ANK3: variants seen among roughly 807,000 people sequenced by gnomAD.
The protein encoded by ANK3 is ankyrin-3.
Under a neutral mutation model 370.9 loss-of-function variants are expected in ANK3, and 57 were observed. The observed-to-expected ratio is 0.15, with a 90% CI of 0.12 to 0.19. ANK3 has a LOEUF of 0.19. Ranked by LOEUF, ANK3 falls within the 10% of genes least tolerant of loss-of-function variation. The pLI, the probability that ANK3 is intolerant of heterozygous loss-of-function variation, is 1.00. For synonymous variants in ANK3, 1,929 were observed against 1,946.3 expected, an observed-to-expected ratio of 0.99 and a Z score of 0.23; for missense variants, 4,439 against 5,302.1, an observed-to-expected ratio of 0.84 and a Z score of 5.06.
intron 2 of ANK3, among the ~76,000 whole-genome samples, chr10:60,483,839 T>A (rs532781675): frequency 6.6e-6 from 1 of 152,308 alleles, no homozygotes; most frequent in South Asian, 2.1e-4. Flanking sequence ...TCTCTATTTA[T>A]TCTTAGGTCA....
intron 28 of ANK3, among the ~76,000 whole-genome samples, chr10:60,091,918 A>G (rs1157040564): frequency 6.6e-6 from 1 of 152,086 alleles, no homozygotes; most frequent in African/African-American, 2.4e-5. Flanking sequence ...TTTAGTAGAG[A>G]TGGGGTTTCA....
intron 7 of ANK3, among the ~76,000 whole-genome samples, chr10:60,256,885 T>C (rs981926814): frequency 6.6e-6 from 1 of 152,216 alleles, no homozygotes; most frequent in African/African-American, 2.4e-5. Flanking sequence ...GATGGGCACC[T>C]AGGTTGATTC....
intron 1 of ANK3, among the ~76,000 whole-genome samples, chr10:60,669,578 G>A (rs144155380): frequency 1.3e-4 from 20 of 152,190 alleles, no homozygotes; most frequent in Admixed American, 8.5e-4. Context: ...CAGATCTGAT[G>A]GATGCCTTTC....
chr10:60,643,359 T>C (rs555472599), intron 1 of ANK3, among the ~76,000 whole-genome samples: 1 of 152,276 alleles, frequency 6.6e-6, no homozygotes, highest in African/African-American at 2.4e-5. Context: ...ATCTTTCTCC[T>C]GTACTGGATG....
intron 1 of ANK3, among the ~76,000 whole-genome samples, chr10:60,711,126 T>A (rs575230863): frequency 1.8e-4 from 27 of 152,170 alleles, no homozygotes; most frequent in Non-Finnish European, 3.4e-4. Flanking sequence ...TTACATGTTC[T>A]AATGGGAAAA....
intron 2 of ANK3, among the ~76,000 whole-genome samples, chr10:60,534,229 A>G (rs1326053943): frequency 6.6e-6 from 1 of 152,130 alleles, no homozygotes; most frequent in Non-Finnish European, 1.5e-5. Flanking sequence ...GGTGCAAACA[A>G]ATAATATAGG....
chr10:60,037,366 C>T (rs2075241882), intron 43 of ANK3, among the ~76,000 whole-genome samples: 1 of 152,100 alleles, frequency 6.6e-6, no homozygotes, highest in African/African-American at 2.4e-5. Flanking sequence ...TTCAAGGGTA[C>T]ATGTGCAGGT....
chr10:60,138,296 G>T (rs558357235), intron 24 of ANK3, among the ~76,000 whole-genome samples: 2 of 152,270 alleles, frequency 1.3e-5, no homozygotes, highest in South Asian at 4.1e-4. Flanking sequence ...TCTGCACAAG[G>T]TTCTGTTTCT....
chr10:60,105,422 C>A (rs763915688), intron 28 of ANK3, among the ~76,000 whole-genome samples: 1 of 152,072 alleles, frequency 6.6e-6, no homozygotes, highest in East Asian at 1.9e-4. Flanking sequence ...CCAATAATTA[C>A]CCTGAAACAT....
At chr10:60,477,516 T>TACACACACAC (rs761752696) in intron 2 of ANK3, among the ~76,000 whole-genome samples, 81 of 122,686 alleles carry the variant, frequency 6.6e-4, no homozygotes, top group African/African-American at 8.5e-4. Context: ...CAGACAGACA[T>TACACACACAC]ACACACACAC....
intron 1 of ANK3, among the ~76,000 whole-genome samples, chr10:60,362,890 G>T (rs1381170747): frequency 6.6e-6 from 1 of 152,108 alleles, no homozygotes. Flanking sequence ...AGGAATTTGG[G>T]AAAGGCTTTA....
chr10:60,175,003 A>G lies in ANK3; in HGVS notation c.2185-1817T>C, dbSNP rs576690139. Among the ~76,000 whole-genome samples, 4 of 152,280 alleles carry G rather than the reference A, an allele frequency of 2.6e-5. No individual in the cohort carries two copies. In the South Asian group the frequency reaches 8.3e-4, roughly 32 times the overall value. On this transcript the variant is annotated intron_variant, in intron 18 of 43. Coordinates refer to ENST00000280772, the MANE Select transcript of ANK3 (RefSeq NM_020987.5). ...CCAAAGTGCTGGGATTACAAGTGTG[A>G]ACCACCATGCCTGGCCTAAATATGT...
chr10:60,263,711 T>C lies in ANK3; in HGVS notation c.699+124A>G, dbSNP rs540117089. The C allele has an allele frequency of 6.3e-6, 7 of 1,102,716 alleles. No homozygotes were observed. The South Asian group carries it at 9.1e-5, about 14-fold the overall frequency. The allele number at this position is 1,102,716 out of a possible 1,614,324, so 68.3% of individuals were successfully genotyped here. ...CAGTGGCTAGCTCAGACACACATTG[T>C]TCCTCCCTTCAATGAAGTTAAAGGC... On this transcript the variant is annotated intron_variant, in intron 6 of 43. Coordinates refer to ENST00000280772, the MANE Select transcript of ANK3 (RefSeq NM_020987.5).
intron 1 of ANK3, among the ~76,000 whole-genome samples, chr10:60,680,804 C>T (rs1294097473): frequency 6.6e-6 from 1 of 152,134 alleles, no homozygotes; most frequent in East Asian, 1.9e-4. Context: ...TGAATTCTGG[C>T]TCTACCAGTT....
intron 1 of ANK3, among the ~76,000 whole-genome samples, chr10:60,640,541 A>G (rs1385146087): frequency 1.9e-5 from 2 of 105,772 alleles, no homozygotes; most frequent in Non-Finnish European, 4.1e-5. Context: ...CAAAAACCAC[A>G]TGATTATCTC....
chr10:60,511,449 T>C (rs901732229), intron 2 of ANK3, among the ~76,000 whole-genome samples: 5 of 152,168 alleles, frequency 3.3e-5, no homozygotes, highest in African/African-American at 1.2e-4. Flanking sequence ...GGAAGAGCAG[T>C]AGTACAATCT....
chr10:60,407,681 T>C (rs1055289294), intron 2 of ANK3, among the ~76,000 whole-genome samples: 3 of 152,208 alleles, frequency 2.0e-5, no homozygotes, highest in African/African-American at 7.2e-5. Context: ...TCCTGTTTTA[T>C]AAATTGTGTA....
chr10:60,504,755 T>C (rs553593675), intron 2 of ANK3, among the ~76,000 whole-genome samples: 1 of 152,264 alleles, frequency 6.6e-6, no homozygotes, highest in South Asian at 2.1e-4. Context: ...GAACATTCTA[T>C]AGGACCCCTG....
At position 60,694,641 on chromosome 10, in the gene ANK3, A is replaced by G. The variant is rs1196576637; in HGVS notation, c.57+38622T>C. On this transcript the variant is annotated intron_variant, in intron 1 of 43. Coordinates refer to the ANK3 transcript ENST00000373827. ...TTCAACCCAGAATTTCATATCCAGC[A>G]AAACTAAGCTTCATAAGTGAAGGAG... is the stretch of plus-strand genomic sequence containing the variant. Among the ~76,000 whole-genome samples the G allele has an allele frequency of 3.9e-5, 6 of 152,082 alleles. No homozygotes were observed. The East Asian group carries it at 1.2e-3, about 29-fold the overall frequency.
Sources: gnomAD v4.1 joint callset for allele counts (sites outside exome capture counted in the v4.1 genomes callset) on GRCh38, gnomAD v4.1.1 for gene constraint, MANE v1.5 for transcripts, NCBI Gene and HGNC (gene_info 2026-07-23, HGNC 2026-07-21) for gene names.